ADGRB1: variants seen among roughly 807,000 people sequenced by gnomAD.
The protein encoded by ADGRB1 is adhesion G protein-coupled receptor B1.
In ADGRB1, 36 loss-of-function variants were observed where a neutral mutation model predicts 175.7. The observed-to-expected ratio is 0.20, with a 90% CI of 0.16 to 0.27. The LOEUF is 0.27. Among genes scored for constraint, ADGRB1 ranks in the 10% least tolerant of loss-of-function variants. ADGRB1 has a pLI of 1.00. For missense variants in ADGRB1, 1,731 were observed against 2,255.3 expected, an observed-to-expected ratio of 0.77 and a Z score of 4.71; for synonymous variants, 1,054 against 979.4, an observed-to-expected ratio of 1.08 and a Z score of -1.42.
In ADGRB1 at chr8:142,542,191, C is replaced by T. The variant is rs776488499; in HGVS notation, c.3957C>T (p.Phe1319=). The change falls in exon 28 of 31, where the codon TTC becomes TTT. Residue 1319 remains phenylalanine (F), a synonymous_variant. Coordinates refer to ENST00000517894, the MANE Select transcript of ADGRB1 (RefSeq NM_001702.3). The surrounding 1 kb of genome is among the most constrained non-coding windows in gnomAD (Gnocchi z 6.3). The stretch of plus-strand genomic sequence containing the variant: ...GGGACAAGGCGCCCAAGTCCTCCTT[C>T]GTCGGTGACGGGGACATCTTCAAGA... ...LKRDKAPKSS[F]VGDGDIFKKL... The T allele has an allele frequency of 8.6e-5, 138 of 1,613,600 alleles. No individual in the cohort carries two copies. Among genetic ancestry groups the T allele is most frequent in the South Asian group, 3.4e-4 (31 of 91,090 alleles).
In ADGRB1 at chr8:142,543,695, G is replaced by A. The variant is rs1394896905; in HGVS notation, c.4544G>A (p.Gly1515Glu). ...GCGGAGAAGGACAAGGAGGTGCTGGGGCCGGACAGCAAGGTCTGGAGGGCA... is the reference window on the plus strand; with the variant it reads ...GCGGAGAAGGACAAGGAGGTGCTGGAGCCGGACAGCAAGGTCTGGAGGGCA... The part of the protein sequence containing the change: ...HAAEKDKEVL[G>E]PDSKPEKQQT... The change falls in exon 30 of 31, where the codon GGG (glycine) becomes GAG (glutamate). Residue 1515 changes from glycine (G) to glutamate (E), a missense_variant. Physicochemically the swap from Gly to Glu is moderately conservative, Grantham distance 98 (BLOSUM62 -2). This residue lies in a region of ADGRB1 where 394 missense variants were observed against 410.2 expected (regional missense o/e 0.96). Transcript: ENST00000517894. The surrounding 1 kb of genome is among the most constrained non-coding windows in gnomAD (Gnocchi z 4.4). The A allele has an allele frequency of 6.4e-7, 1 of 1,557,502 alleles. No homozygotes were observed. Among genetic ancestry groups the A allele is most frequent in the East Asian group, 2.4e-5 (1 of 41,368 alleles).
At chr8:142,494,588 G>A (rs111294278) in intron 17 of ADGRB1, among the ~76,000 whole-genome samples, 1,601 of 151,966 alleles carry the variant, frequency 0.011, 32 homozygotes, top group African/African-American at 0.036. Context: ...GCCTCACCCC[G>A]GTTGTGCAGA....
chr8:142,489,123 G>T lies in ADGRB1; in HGVS notation c.2528+13G>T. The T allele has an allele frequency of 2.5e-6, 4 of 1,597,118 alleles. No individual in the cohort carries two copies. Among genetic ancestry groups the T allele is most frequent in the African/African-American group, 2.7e-5 (2 of 74,842 alleles). On this transcript the variant is annotated intron_variant, in intron 15 of 30. Coordinates refer to ENST00000517894, the MANE Select transcript of ADGRB1 (RefSeq NM_001702.3). ...TGGCCCTGCAGAGGTGGGGAGCCCT[G>T]GGCAGGTGGGGTGGGCAGTGCAGGG...
intron 27 of ADGRB1, among the ~76,000 whole-genome samples, chr8:142,541,399 A>G (rs1230938453): frequency 3.3e-5 from 5 of 152,114 alleles, no homozygotes; most frequent in Non-Finnish European, 7.4e-5. Context: ...CCCTCAGGGC[A>G]GAGCAGGGAG....
At chr8:142,468,404 C>G (rs893078189) in intron 2 of ADGRB1, among the ~76,000 whole-genome samples, 2 of 152,156 alleles carry the variant, frequency 1.3e-5, no homozygotes, top group Non-Finnish European at 2.9e-5. Context: ...CGGCTGCTGG[C>G]AACATGAAGC....
intron 1 of ADGRB1, among the ~76,000 whole-genome samples, chr8:142,457,569 C>T (rs1486862786): frequency 6.6e-6 from 1 of 151,906 alleles, no homozygotes; most frequent in African/African-American, 2.4e-5. Context: ...TGCTGGCAGC[C>T]CTGCCCACCC....
rs1282860431 is a variant in ADGRB1 at position 142,493,810 on chromosome 8, CCCTT to C, written c.2675+3001_2675+3004del. Among the ~76,000 whole-genome samples the C allele has an allele frequency of 6.6e-6, 1 of 152,226 alleles. No individual in the cohort carries two copies. Among genetic ancestry groups the C allele is most frequent in the Non-Finnish European group, 1.5e-5 (1 of 68,036 alleles). Reference sequence around the variant, plus strand: ...GGAAGGACTGGGACTGACCTCGGTCCCCTTCCTTCTGCCCCTCACCTCCCCTCCA... The same window carrying C: ...GGAAGGACTGGGACTGACCTCGGTCCCCTTCTGCCCCTCACCTCCCCTCCA... On this transcript the variant is annotated intron_variant, in intron 17 of 30. Transcript: ENST00000517894. This position sits in a 1 kb window ranked among gnomAD's most constrained non-coding sequence, Gnocchi z 5.0.
At chr8:142,502,453 G>GT (rs1563719216) in intron 17 of ADGRB1, among the ~76,000 whole-genome samples, 2 of 90,928 alleles carry the variant, frequency 2.2e-5, no homozygotes, top group Non-Finnish European at 4.5e-5. Context: ...GGTGATGATG[G>GT]GGTGGTGCAG....
Position 142,458,494 on chromosome 8 carries a change from C to T in ADGRB1, c.-219-5486C>T, listed in dbSNP as rs961050764. On this transcript the variant is annotated intron_variant, in intron 1 of 30. Coordinates refer to ENST00000517894, the MANE Select transcript of ADGRB1 (RefSeq NM_001702.3). Reference sequence around the variant, plus strand: ...ATATCATCTCAGGCCCGTTGCTGGCCTGCGGTCAGTGTGTAGTGAACGTTG... The same window carrying T: ...ATATCATCTCAGGCCCGTTGCTGGCTTGCGGTCAGTGTGTAGTGAACGTTG... Among the ~76,000 whole-genome samples the T allele has an allele frequency of 2.0e-5, 3 of 152,182 alleles. No homozygotes were observed. The South Asian group carries it at 6.2e-4, about 31-fold the overall frequency.
intron 24 of ADGRB1, 84 bp from the exon 25 acceptor site, chr8:142,533,211 C>T (rs960585781): frequency 7.0e-5 from 95 of 1,363,942 alleles, no homozygotes; most frequent in Non-Finnish European, 8.9e-5. Flanking sequence ...GGGTCCCCAC[C>T]GAGGCCTGGA....
chr8:142,496,336 A>T (rs1397824006), intron 17 of ADGRB1, among the ~76,000 whole-genome samples: 4 of 149,942 alleles, frequency 2.7e-5, no homozygotes, highest in Non-Finnish European at 5.9e-5. Context: ...GGCTGGCTGG[A>T]TGTGTAGATG....
In ADGRB1 at chr8:142,477,481, A is replaced by G. The variant is rs1841046385; in HGVS notation, c.1319A>G (p.Gln440Arg). 1 of 1,612,966 alleles carries G rather than the reference A, an allele frequency of 6.2e-7. No individual in the cohort carries two copies. Among genetic ancestry groups the G allele is most frequent in the East Asian group, 2.2e-5 (1 of 44,876 alleles). ...CGCACGCGCACCTGCAGGCCCCCCCAGTTTGGGGGCAACCCCTGTGAGGGC... is the reference window on the plus strand; with the variant it reads ...CGCACGCGCACCTGCAGGCCCCCCCGGTTTGGGGGCAACCCCTGTGAGGGC... Reference protein sequence around the residue: ...RDRTRTCRPPQFGGNPCEGPE... With the variant: ...RDRTRTCRPPRFGGNPCEGPE... The change falls in exon 6 of 31, where the codon CAG (glutamine) becomes CGG (arginine). Residue 440 changes from glutamine (Q) to arginine (R), a missense_variant. Coordinates refer to ENST00000517894, the MANE Select transcript of ADGRB1 (RefSeq NM_001702.3).
intron 18 of ADGRB1, among the ~76,000 whole-genome samples, chr8:142,516,230 TGTGTGTGCGTGTGCGGGCCCCAGGTGC>T (rs1843412851): frequency 8.7e-6 from 1 of 114,780 alleles, no homozygotes; most frequent in Non-Finnish European, 1.8e-5. Flanking sequence ...GCCCCAGGTG[TGTGTGTGCGTGTGCGGGCCCCAGGTGC>T]GTGCGTCTGT....
chr8:142,488,346 C>G lies in ADGRB1; in HGVS notation c.2309-18C>G, dbSNP rs371611344. Reference sequence around the variant, plus strand: ...TTTCCCTCCTCTCTGTCTCTCCCGCCTTTGACCCTGCTCCCAGTTCTCAGC... The same window carrying G: ...TTTCCCTCCTCTCTGTCTCTCCCGCGTTTGACCCTGCTCCCAGTTCTCAGC... On this transcript the variant is annotated intron_variant, in intron 13 of 30. Coordinates refer to ENST00000517894, the MANE Select transcript of ADGRB1 (RefSeq NM_001702.3). 1.7e-5 allele frequency: 27 copies of G among 1,612,656 alleles called. No homozygotes were observed. Among genetic ancestry groups the G allele is most frequent in the Non-Finnish European group, 2.3e-5 (27 of 1,179,724 alleles).
At position 142,450,084 on chromosome 8, in the gene ADGRB1, G is replaced by C. The variant is rs1423505144; in HGVS notation, c.-240G>C. The C allele has an allele frequency of 2.0e-5, 3 of 149,664 alleles. No individual in the cohort carries two copies. The highest frequency in any genetic ancestry group is 3.0e-5 in the Non-Finnish European group (2 of 66,932). 9.3% of individuals were successfully genotyped at this position (149,664 alleles called of 1,614,324 possible). On this transcript the variant is annotated 5_prime_UTR_variant, in exon 1 of 31. Transcript: ENST00000517894. ...TCGCCGGATCGAGTCCTCGCCGGCG[G>C]GGCCGCTGCTGCTGGGGAAGGTAAG...
chr8:142,536,388 C>T (rs1844924645), intron 25 of ADGRB1, among the ~76,000 whole-genome samples: 1 of 152,192 alleles, frequency 6.6e-6, no homozygotes, highest in Non-Finnish European at 1.5e-5. Flanking sequence ...TCCATAAGCT[C>T]TGCTGGCCGC....
intron 11 of ADGRB1, among the ~76,000 whole-genome samples, chr8:142,483,053 C>T (rs1292534495): frequency 4.3e-5 from 6 of 140,568 alleles, no homozygotes; most frequent in East Asian, 2.3e-4. Context: ...GAGCCCTGAT[C>T]CTGGTTACAC....
Position 142,493,362 on chromosome 8 carries a change from G to A in ADGRB1, c.2675+2547G>A, listed in dbSNP as rs1842069210. ...TGCCTGCTTTTAGGCAGGGGCGGGG[G>A]CAGCAGGACGGCGGTCAAGTCCCCA... On this transcript the variant is annotated intron_variant, in intron 17 of 30. Coordinates refer to ENST00000517894, the MANE Select transcript of ADGRB1 (RefSeq NM_001702.3). This position sits in a 1 kb window ranked among gnomAD's most constrained non-coding sequence, Gnocchi z 5.0. Among the ~76,000 whole-genome samples, 1 of 152,082 alleles carries A rather than the reference G, an allele frequency of 6.6e-6. No homozygotes were observed. Among genetic ancestry groups the A allele is most frequent in the Non-Finnish European group, 1.5e-5 (1 of 68,002 alleles).
At chr8:142,452,249 C>T (rs1414683729) in intron 1 of ADGRB1, among the ~76,000 whole-genome samples, 1 of 152,216 alleles carries the variant, frequency 6.6e-6, no homozygotes, top group Non-Finnish European at 1.5e-5. Flanking sequence ...AGGGCCGAGC[C>T]GCGAAGCCCA....
Sources: allele counts gnomAD v4.1 joint callset (sites outside exome capture counted in the v4.1 genomes callset), GRCh38; gene constraint gnomAD v4.1.1; regional missense constraint gnomAD v4.1.1; non-coding constraint Gnocchi (gnomAD v3.1); transcripts MANE v1.5; gene names NCBI Gene and HGNC (gene_info 2026-07-23, HGNC 2026-07-21).